Variants in GLIS1 observed in about 807,000 individuals in gnomAD.
GLIS1 encodes the protein GLIS family zinc finger 1.
Under a neutral mutation model 63.8 loss-of-function variants are expected in GLIS1, and 24 were observed. The ratio of observed to expected loss-of-function variants is 0.38; its 90% CI spans 0.27 to 0.53. The LOEUF (loss-of-function observed/expected upper bound fraction) is 0.53, where lower values mean the gene tolerates loss of function less well. GLIS1 is among the 20% of genes least tolerant of loss of function. GLIS1 has a pLI of 0.85. For missense variants in GLIS1, 1,036 were observed against 1,074.1 expected (o/e 0.96, Z 0.50); for synonymous variants, 450 against 482.5 (o/e 0.93, Z 0.88).
chr1:53,693,719 G>A (rs2100468072), intron 2 of GLIS1, among the ~76,000 whole-genome samples: 1 of 152,274 alleles, frequency 6.6e-6, no homozygotes, highest in African/African-American at 2.4e-5. Flanking sequence ...AGAGGGGAGG[G>A]GATGGTGCAG....
intron 2 of GLIS1, among the ~76,000 whole-genome samples, chr1:53,736,475 G>C (rs935300168): frequency 1.3e-5 from 2 of 152,146 alleles, no homozygotes; most frequent in Admixed American, 6.5e-5. Flanking sequence ...TGTGTATGGA[G>C]CGGGGCAAGC....
chr1:53,543,214 G>C (rs189826665), intron 4 of GLIS1, among the ~76,000 whole-genome samples: 68 of 151,382 alleles, frequency 4.5e-4, no homozygotes, highest in African/African-American at 1.7e-3. Flanking sequence ...AAGTGAAACA[G>C]AGAGCACTAG....
chr1:53,713,268 CT>C (rs2100529688), intron 2 of GLIS1, among the ~76,000 whole-genome samples: 1 of 9,742 alleles, frequency 1.0e-4, no homozygotes, highest in Non-Finnish European at 3.0e-4. Context: ...ATGGTGAGAC[CT>C]CATCTCTTCA....
intron 2 of GLIS1, among the ~76,000 whole-genome samples, chr1:53,628,186 G>A (rs766155863): frequency 6.6e-5 from 10 of 152,144 alleles, no homozygotes; most frequent in African/African-American, 9.7e-5. Context: ...TGCCTTTAGT[G>A]GTCATTTCCT....
intron 2 of GLIS1, among the ~76,000 whole-genome samples, chr1:53,686,644 G>A (rs1646339738): frequency 6.6e-6 from 1 of 152,142 alleles, no homozygotes; most frequent in South Asian, 2.1e-4. Flanking sequence ...TCTGGCCAGG[G>A]GAACTGACTC....
At position 53,514,834 on chromosome 1, in the gene GLIS1, T is replaced by C. The variant is rs547056922; in HGVS notation, c.1727-53A>G. The C allele has an allele frequency of 6.6e-5, 99 of 1,502,068 alleles. No individual in the cohort carries two copies. The African/African-American group carries it at 1.2e-3, about 18-fold the overall frequency. 93.0% of individuals were successfully genotyped at this position (1,502,068 alleles called of 1,614,324 possible). On this transcript the variant is annotated intron_variant, in intron 7 of 10. Transcript: ENST00000628545. ...GACTCTGGCCACTCCCTAGAGATGG[T>C]TGTGATGGCCCAGGAGCTGTGTGTG...
At chr1:53,582,455 C>T (rs528678635) in intron 4 of GLIS1, among the ~76,000 whole-genome samples, 5 of 152,316 alleles carry the variant, frequency 3.3e-5, no homozygotes, top group South Asian at 2.1e-4. Context: ...CTACATGCAC[C>T]GCCAACCGTC....
chr1:53,568,173 A>G (rs1158930560), intron 4 of GLIS1, among the ~76,000 whole-genome samples: 3 of 152,224 alleles, frequency 2.0e-5, no homozygotes, highest in Non-Finnish European at 4.4e-5. Context: ...CACCCTTTAC[A>G]TCAGCATGCC....
At position 53,506,534 on chromosome 1, in the gene GLIS1, C is replaced by T. The variant is rs1011685927; in HGVS notation, c.*85G>A. On this transcript the variant is annotated 3_prime_UTR_variant, in exon 11 of 11. Coordinates refer to ENST00000628545, the MANE Select transcript of GLIS1 (RefSeq NM_001367484.1). ...TTCCGGCTGTGGCCTGGCACTCCTG[C>T]TAGGTGCACGGAGGGTGGGAGCGAC... 4 of 1,415,352 alleles carry T rather than the reference C, an allele frequency of 2.8e-6. No individual in the cohort carries two copies. In the Middle Eastern group the frequency reaches 6.0e-4, roughly 213 times the overall value. 87.7% of individuals were successfully genotyped at this position (1,415,352 alleles called of 1,614,324 possible). A position where few individuals can be genotyped will look rare whatever the true frequency, so the allele number is the denominator to read the frequency against.
intron 4 of GLIS1, among the ~76,000 whole-genome samples, chr1:53,563,687 A>G (rs1170759530): frequency 6.6e-6 from 1 of 152,204 alleles, no homozygotes; most frequent in Non-Finnish European, 1.5e-5. Flanking sequence ...TGAAGAGATA[A>G]CAGCTTGGAG....
chr1:53,647,643 A>G (rs1645860752), intron 2 of GLIS1, among the ~76,000 whole-genome samples: 2 of 150,880 alleles, frequency 1.3e-5, no homozygotes, highest in Admixed American at 1.3e-4. Context: ...AGAAAATTGT[A>G]TAGGAGACTA....
chr1:53,587,096 A>G (rs779323221), intron 4 of GLIS1, among the ~76,000 whole-genome samples: 22 of 152,214 alleles, frequency 1.4e-4, no homozygotes, highest in Non-Finnish European at 3.1e-4. Flanking sequence ...CATTCTAGAC[A>G]AAGGAATCAG....
intron 2 of GLIS1, among the ~76,000 whole-genome samples, chr1:53,651,581 A>G (rs984500482): frequency 6.6e-6 from 1 of 152,170 alleles, no homozygotes; most frequent in Non-Finnish European, 1.5e-5. Flanking sequence ...CTTTTGTTCA[A>G]TAATCAGCTG....
At chr1:53,531,782 G>A (rs758328366) in intron 4 of GLIS1, among the ~76,000 whole-genome samples, 194 of 152,330 alleles carry the variant, frequency 1.3e-3, no homozygotes, top group Non-Finnish European at 1.5e-3. Context: ...CGGGCTTGAT[G>A]ACTGTAGCGA....
At chr1:53,730,923 T>G (rs1646853548) in intron 2 of GLIS1, among the ~76,000 whole-genome samples, 1 of 152,210 alleles carries the variant, frequency 6.6e-6, no homozygotes, top group Non-Finnish European at 1.5e-5. Context: ...TCCCAAGCCC[T>G]ACTTCATCCC....
intron 4 of GLIS1, among the ~76,000 whole-genome samples, chr1:53,570,945 G>A (rs544964805): frequency 6.6e-6 from 1 of 151,946 alleles, no homozygotes; most frequent in Non-Finnish European, 1.5e-5. Flanking sequence ...ACAATAAAAG[G>A]AAAGATTGAT....
At chr1:53,653,193 G>C (rs948401568) in intron 2 of GLIS1, among the ~76,000 whole-genome samples, 5 of 152,234 alleles carry the variant, frequency 3.3e-5, no homozygotes, top group Admixed American at 6.5e-5. Context: ...AAAGTGGCTG[G>C]GGATATTGCT....
chr1:53,645,132 G>A (rs965901941), intron 2 of GLIS1, among the ~76,000 whole-genome samples: 4 of 152,152 alleles, frequency 2.6e-5, no homozygotes, highest in African/African-American at 9.7e-5. Context: ...CTGGCCTCGG[G>A]GACTTTGCAA....
At chr1:53,619,991 C>T (rs781275476) in intron 2 of GLIS1, among the ~76,000 whole-genome samples, 3 of 152,220 alleles carry the variant, frequency 2.0e-5, no homozygotes, top group Non-Finnish European at 4.4e-5. Flanking sequence ...ATGCTCTCCT[C>T]TCCTTGGCAT....
Sources: gnomAD v4.1 joint callset for allele counts (sites outside exome capture counted in the v4.1 genomes callset) on GRCh38, gnomAD v4.1.1 for gene constraint, MANE v1.5 for transcripts, NCBI Gene and HGNC (gene_info 2026-07-23, HGNC 2026-07-21) for gene names.